Variants in FRMD5 observed in about 807,000 individuals in gnomAD.
The protein encoded by FRMD5 is FERM domain-containing protein 5.
FRMD5 carries 20 observed loss-of-function variants against 69.0 expected under a neutral mutation model. The observed-to-expected ratio is 0.29, with a 90% CI of 0.20 to 0.42. The LOEUF (loss-of-function observed/expected upper bound fraction) is 0.42, where lower values mean the gene tolerates loss of function less well. Among genes scored for constraint, FRMD5 ranks in the 10% least tolerant of loss-of-function variants. FRMD5 has a pLI of 1.00. For missense variants in FRMD5, 595 were observed against 708.6 expected (o/e 0.84, Z 1.82); for synonymous variants, 271 against 260.1 (o/e 1.04, Z -0.40).
chr15:43,923,286 C>T (rs2140448579), intron 2 of FRMD5, among the ~76,000 whole-genome samples: 1 of 152,328 alleles, frequency 6.6e-6, no homozygotes, highest in South Asian at 2.1e-4. Flanking sequence ...CCTCATGGAA[C>T]TTACATTTTT....
chr15:44,046,592 C>T lies in FRMD5; in HGVS notation c.103-122283G>A, dbSNP rs757789652. Among the ~76,000 whole-genome samples the T allele has an allele frequency of 7.2e-5, 11 of 152,172 alleles. 1 individual carries two copies. The highest frequency in any genetic ancestry group is 1.2e-4 in the African/African-American group (5 of 41,444). On this transcript the variant is annotated intron_variant, in intron 1 of 13. Coordinates refer to ENST00000417257, the MANE Select transcript of FRMD5 (RefSeq NM_032892.5). Reference sequence around the variant, plus strand: ...TTAAATTTCAATCTTCCTTCACAGCCGCTTTCCTGGTGTTTGCTAGCTGAC... The same window carrying T: ...TTAAATTTCAATCTTCCTTCACAGCTGCTTTCCTGGTGTTTGCTAGCTGAC...
chr15:44,117,991 CTTTTTTTTTTTTT>C (rs747747488), intron 1 of FRMD5, among the ~76,000 whole-genome samples: 1 of 92,656 alleles, frequency 1.1e-5, no homozygotes, highest in Admixed American at 1.1e-4. Context: ...TTCTTTTTTA[CTTTTTTTTTTTTT>C]TTTTTTTTTT....
chr15:44,122,535 C>T (rs2076967946), intron 1 of FRMD5, among the ~76,000 whole-genome samples: 1 of 151,044 alleles, frequency 6.6e-6, no homozygotes. Flanking sequence ...GCAGAGACCG[C>T]ACCAGCCTGA....
At chr15:44,128,593 T>C (rs2077055298) in intron 1 of FRMD5, among the ~76,000 whole-genome samples, 1 of 152,204 alleles carries the variant, frequency 6.6e-6, no homozygotes, top group Non-Finnish European at 1.5e-5. Context: ...AGGATTTCAA[T>C]ATTGGCATTC....
rs532001609 is a variant in FRMD5, at chr15:44,022,675, C to G, written c.103-98366G>C. 1.7e-4 allele frequency among the ~76,000 whole-genome samples: 25 copies of G among 150,860 alleles called. No individual in the cohort carries two copies. In the East Asian group the frequency reaches 4.9e-3, roughly 29 times the overall value. ...AAAAGAAAAAAAGCTCATGAGATTG[C>G]CAAAAATTTAACAATCGTATTTTGT... On this transcript the variant is annotated intron_variant, in intron 1 of 13. Transcript: ENST00000417257.
At chr15:43,874,726 C>T (rs536447738) in intron 13 of FRMD5, among the ~76,000 whole-genome samples, 2 of 151,898 alleles carry the variant, frequency 1.3e-5, no homozygotes, top group East Asian at 3.9e-4. Context: ...GTGGTGAAAC[C>T]CCATCTCAAC....
At chr15:44,147,617 A>G (rs1404773131) in intron 1 of FRMD5, among the ~76,000 whole-genome samples, 1 of 152,138 alleles carries the variant, frequency 6.6e-6, no homozygotes, top group Non-Finnish European at 1.5e-5. Flanking sequence ...CTTAGAAAAC[A>G]GGTGTTAGAC....
rs866771672 is a variant in FRMD5 at position 43,961,994 on chromosome 15, T to C, written c.103-37685A>G. Among the ~76,000 whole-genome samples the C allele has an allele frequency of 4.1e-4, 62 of 151,898 alleles. 1 individual carries two copies. The highest frequency in any genetic ancestry group is 1.1e-3 in the African/African-American group (46 of 41,442). Reference sequence around the variant, plus strand: ...GAAGCATTCCCTTTGAAAACTGGCATAAGACAGGGATGCCCTCTCTTACCA... The same window carrying C: ...GAAGCATTCCCTTTGAAAACTGGCACAAGACAGGGATGCCCTCTCTTACCA... On this transcript the variant is annotated intron_variant, in intron 1 of 13. Transcript: ENST00000417257.
intron 7 of FRMD5, among the ~76,000 whole-genome samples, chr15:43,893,572 T>C (rs2088845932): frequency 6.6e-6 from 1 of 152,030 alleles, no homozygotes; most frequent in African/African-American, 2.4e-5. Flanking sequence ...AGGGTGTAAG[T>C]GTGTTGAGGT....
chr15:44,177,888 C>G (rs1274979767), intron 1 of FRMD5, among the ~76,000 whole-genome samples: 1 of 152,088 alleles, frequency 6.6e-6, no homozygotes, highest in Non-Finnish European at 1.5e-5. Flanking sequence ...CACAAAGGGG[C>G]ATAAGAGAAA....
intron 1 of FRMD5, among the ~76,000 whole-genome samples, chr15:44,114,762 A>G (rs1193649206): frequency 6.6e-6 from 1 of 152,260 alleles, no homozygotes; most frequent in Non-Finnish European, 1.5e-5. Context: ...ATACTTTAAA[A>G]TAATGATTTA....
intron 1 of FRMD5, among the ~76,000 whole-genome samples, chr15:43,949,994 C>A (rs1432272012): frequency 6.6e-6 from 1 of 152,214 alleles, no homozygotes; most frequent in East Asian, 1.9e-4. Flanking sequence ...AGCTCTGGAA[C>A]TTGCATTGGT....
intron 1 of FRMD5, among the ~76,000 whole-genome samples, chr15:44,152,745 A>T (rs1202529223): frequency 6.6e-6 from 1 of 152,176 alleles, no homozygotes; most frequent in East Asian, 1.9e-4. Flanking sequence ...ATCTGGAGAT[A>T]GTCTTTTGTG....
chr15:44,050,354 A>AATTTTC (rs772524138), intron 1 of FRMD5, among the ~76,000 whole-genome samples: 2 of 151,900 alleles, frequency 1.3e-5, no homozygotes, highest in African/African-American at 2.4e-5. Flanking sequence ...ACTAAAGAGT[A>AATTTTC]TTTTTCTTTT....
Position 43,873,764 on chromosome 15 carries a change from T to G in FRMD5, c.*121A>C. On this transcript the variant is annotated 3_prime_UTR_variant, in exon 14 of 14. Coordinates refer to ENST00000417257, the MANE Select transcript of FRMD5 (RefSeq NM_032892.5). Reference sequence around the variant, plus strand: ...CACCCTCCTAGGCTGCAGTGGACTTTGAGTCATGAGAGGAGGACTTGGTAT... The same window carrying G: ...CACCCTCCTAGGCTGCAGTGGACTTGGAGTCATGAGAGGAGGACTTGGTAT... 6.5e-7 allele frequency: 1 copy of G among 1,532,650 alleles called. No individual in the cohort carries two copies. The highest frequency in any genetic ancestry group is 8.7e-7 in the Non-Finnish European group (1 of 1,144,336). 94.9% of individuals were successfully genotyped at this position (1,532,650 alleles called of 1,614,324 possible). A position where few individuals can be genotyped will look rare whatever the true frequency, so the allele number is the denominator to read the frequency against.
At chr15:43,930,139 A>G (rs2089649959) in intron 1 of FRMD5, among the ~76,000 whole-genome samples, 1 of 152,076 alleles carries the variant, frequency 6.6e-6, no homozygotes, top group Admixed American at 6.5e-5. Context: ...CCTTCTTTAC[A>G]CTTTCTTTGA....
intron 10 of FRMD5, among the ~76,000 whole-genome samples, chr15:43,886,456 T>C (rs1203495561): frequency 1.3e-5 from 2 of 152,216 alleles, no homozygotes; most frequent in Non-Finnish European, 2.9e-5. Flanking sequence ...AGACAGCCGA[T>C]GTGGAGCTCT....
chr15:44,157,513 G>A (rs892359473), intron 1 of FRMD5, among the ~76,000 whole-genome samples: 1 of 152,068 alleles, frequency 6.6e-6, no homozygotes. Flanking sequence ...TCATAATGAC[G>A]ACTTAAAAAG....
At position 43,892,005 on chromosome 15, in the gene FRMD5, T is replaced by C; in HGVS notation, c.704A>G (p.Asn235Ser). The C allele has an allele frequency of 6.2e-7, 1 of 1,614,154 alleles. No homozygotes were observed. Among genetic ancestry groups the C allele is most frequent in the Non-Finnish European group, 8.5e-7 (1 of 1,179,994 alleles). ...TPFGFVVLQG[N>S]KRVHFIKWNE... ...CCATTTAATGAAGTGGACCCTCTTG[T>C]TTCCTTGAAGAACAACAAACCCAAA... Residue 235 changes from asparagine (N) to serine (S), a missense_variant, in exon 8 of 14, where the codon AAC becomes AGC. Asn to Ser is a conservative substitution (Grantham distance 46, BLOSUM62 1). Around this residue, in one of 5 missense-constraint regions of FRMD5, gnomAD observed 176 missense variants for 266.3 expected, o/e 0.66. Coordinates refer to ENST00000417257, the MANE Select transcript of FRMD5 (RefSeq NM_032892.5).
Sources: allele counts gnomAD v4.1 joint callset (sites outside exome capture counted in the v4.1 genomes callset), GRCh38; gene constraint gnomAD v4.1.1; regional missense constraint gnomAD v4.1.1; transcripts MANE v1.5; gene names NCBI Gene and HGNC (gene_info 2026-07-23, HGNC 2026-07-21).